Variants in STXBP6 observed in about 807,000 individuals in gnomAD.
STXBP6 encodes the protein syntaxin-binding protein 6.
In STXBP6, 21 loss-of-function variants were observed where a neutral mutation model predicts 26.9. The observed-to-expected ratio is 0.78, with a 90% confidence interval of 0.55 to 1.12. The LOEUF (loss-of-function observed/expected upper bound fraction) is 1.12, where lower values mean the gene tolerates loss of function less well. Ranked by LOEUF, STXBP6 falls within the 50% of genes most tolerant of loss-of-function variation. The pLI is 0.00. For synonymous variants in STXBP6, 97 were observed against 92.6 expected, an observed-to-expected ratio of 1.05 and a Z score of -0.27; for missense variants, 232 against 257.9, an observed-to-expected ratio of 0.90 and a Z score of 0.69.
intron 2 of STXBP6, among the ~76,000 whole-genome samples, chr14:24,936,007 T>C (rs1419759740): frequency 6.6e-6 from 1 of 152,226 alleles, no homozygotes; most frequent in African/African-American, 2.4e-5. Context: ...AAAGCACATG[T>C]GACTCTTCCT....
At chr14:24,821,143 C>T (rs757688494) in intron 4 of STXBP6, among the ~76,000 whole-genome samples, 6 of 152,198 alleles carry the variant, frequency 3.9e-5, no homozygotes, top group Non-Finnish European at 7.3e-5. Flanking sequence ...AGAAAATCTC[C>T]TTTTCCTGCC....
chr14:24,964,230 T>C (rs970396953), intron 2 of STXBP6, among the ~76,000 whole-genome samples: 7 of 152,116 alleles, frequency 4.6e-5, no homozygotes, highest in South Asian at 2.1e-4. Flanking sequence ...TGACAGTCTA[T>C]GGAAGTAAAC....
At chr14:24,843,511 G>A (rs2139043890) in intron 4 of STXBP6, among the ~76,000 whole-genome samples, 1 of 152,294 alleles carries the variant, frequency 6.6e-6, no homozygotes, top group African/African-American at 2.4e-5. Flanking sequence ...TGCTCACGAT[G>A]TTCCGTGGTA....
chr14:24,835,416 A>G (rs1682005835), intron 4 of STXBP6, among the ~76,000 whole-genome samples: 1 of 152,210 alleles, frequency 6.6e-6, no homozygotes, highest in Non-Finnish European at 1.5e-5. Flanking sequence ...CCAGATTTAG[A>G]AGACACTTTT....
intron 1 of STXBP6, among the ~76,000 whole-genome samples, chr14:25,029,486 A>G (rs1259408331): frequency 6.6e-6 from 1 of 152,218 alleles, no homozygotes; most frequent in Non-Finnish European, 1.5e-5. Context: ...AGACTTCAGT[A>G]TAGTGTAAAC....
chr14:24,836,929 TATC>T (rs967411295), intron 4 of STXBP6, among the ~76,000 whole-genome samples: 64 of 152,338 alleles, frequency 4.2e-4, no homozygotes, highest in African/African-American at 1.5e-3. Context: ...TGTTTTAACA[TATC>T]ATCAAATTGG....
At chr14:24,838,084 G>C (rs1201397570) in intron 4 of STXBP6, among the ~76,000 whole-genome samples, 1 of 152,128 alleles carries the variant, frequency 6.6e-6, no homozygotes, top group Non-Finnish European at 1.5e-5. Flanking sequence ...TTAGGCTGGA[G>C]TGCAGTACAC....
intron 4 of STXBP6, among the ~76,000 whole-genome samples, chr14:24,836,606 CAAA>C (rs71449215): frequency 1.6e-4 from 7 of 44,308 alleles, no homozygotes; most frequent in South Asian, 2.1e-3. Flanking sequence ...GACTCCCTCT[CAAA>C]AAAAAAAAAA....
intron 2 of STXBP6, among the ~76,000 whole-genome samples, chr14:24,971,865 T>C (rs2073915996): frequency 6.6e-6 from 1 of 152,212 alleles, no homozygotes; most frequent in South Asian, 2.1e-4. Flanking sequence ...CCAAATTAGG[T>C]AAGATGCATG....
intron 4 of STXBP6, among the ~76,000 whole-genome samples, chr14:24,843,711 G>C (rs2068853813): frequency 6.6e-6 from 1 of 152,130 alleles, no homozygotes; most frequent in South Asian, 2.1e-4. Flanking sequence ...ACCCAGATCT[G>C]TGTATTGAAA....
chr14:24,923,314 T>C (rs2072047105), intron 2 of STXBP6, among the ~76,000 whole-genome samples: 1 of 152,212 alleles, frequency 6.6e-6, no homozygotes, highest in Non-Finnish European at 1.5e-5. Flanking sequence ...TGTTGATCAA[T>C]GTAGCTTTAG....
chr14:24,846,268 A>G (rs949458047), intron 4 of STXBP6, among the ~76,000 whole-genome samples: 2 of 152,212 alleles, frequency 1.3e-5, no homozygotes, highest in Non-Finnish European at 2.9e-5. Flanking sequence ...CCTACTACCT[A>G]TAATTTGCAT....
intron 4 of STXBP6, among the ~76,000 whole-genome samples, chr14:24,846,029 A>G (rs541836291): frequency 6.6e-6 from 1 of 152,306 alleles, no homozygotes; most frequent in African/African-American, 2.4e-5. Context: ...AATGTATCTT[A>G]GAGTTCTTTG....
chr14:24,984,320 T>A (rs943710621), intron 1 of STXBP6, among the ~76,000 whole-genome samples: 5 of 152,196 alleles, frequency 3.3e-5, no homozygotes, highest in African/African-American at 1.2e-4. Context: ...ATATCACCAC[T>A]TTACAATTTC....
intron 4 of STXBP6, among the ~76,000 whole-genome samples, chr14:24,827,009 T>C (rs2068305090): frequency 6.6e-6 from 1 of 152,130 alleles, no homozygotes; most frequent in Admixed American, 6.6e-5. Flanking sequence ...GAGATCGGCC[T>C]GGGCAGCATG....
intron 2 of STXBP6, among the ~76,000 whole-genome samples, chr14:24,964,471 G>A (rs761334261): frequency 7.2e-5 from 11 of 152,128 alleles, no homozygotes; most frequent in Admixed American, 6.5e-4. Flanking sequence ...TCAGTCATTC[G>A]TATTCTCTCT....
rs543911795 is a variant in STXBP6, at chr14:25,028,507, G to GA, written c.-33+21370dup. Reference sequence around the variant, plus strand: ...GCTCATTGTTGAGACTGACTGCTCAGAAAAAAAAAAAATCTTTTCAAAATA... The same window carrying GA: ...GCTCATTGTTGAGACTGACTGCTCAGAAAAAAAAAAAAATCTTTTCAAAATA... On this transcript the variant is annotated intron_variant, in intron 1 of 5. Transcript: ENST00000323944. Among the ~76,000 whole-genome samples the GA allele has an allele frequency of 1.1e-3, 154 of 143,640 alleles. 1 individual carries two copies. Among genetic ancestry groups the GA allele is most frequent in the Non-Finnish European group, 1.5e-3 (99 of 65,472 alleles). 94.2% of individuals were successfully genotyped at this position (143,640 alleles called of 152,430 possible).
At chr14:24,933,291 A>C (rs1213542286) in intron 2 of STXBP6, among the ~76,000 whole-genome samples, 1 of 152,200 alleles carries the variant, frequency 6.6e-6, no homozygotes, top group East Asian at 1.9e-4. Context: ...GCAGTGAGCC[A>C]AGATCATGCC....
intron 1 of STXBP6, among the ~76,000 whole-genome samples, chr14:24,982,445 T>C (rs900369604): frequency 6.6e-6 from 1 of 152,222 alleles, no homozygotes; most frequent in African/African-American, 2.4e-5. Flanking sequence ...AGCTACGCGT[T>C]AGCCTGCGCT....
Sources: allele counts gnomAD v4.1 joint callset (sites outside exome capture counted in the v4.1 genomes callset), GRCh38; gene constraint gnomAD v4.1.1; transcripts MANE v1.5; gene names NCBI Gene and HGNC (gene_info 2026-07-23, HGNC 2026-07-21).